The following RBFOX2 variants were observed in gnomAD, a reference collection of about 807,000 sequenced individuals.
RBFOX2 encodes the protein RNA binding fox-1 homolog 2.
Under a neutral mutation model 49.1 loss-of-function variants are expected in RBFOX2, and 10 were observed. The ratio of observed to expected loss-of-function variants is 0.20; its 90% confidence interval spans 0.13 to 0.35. The LOEUF (loss-of-function observed/expected upper bound fraction) is 0.35, where lower values mean the gene tolerates loss of function less well. RBFOX2 is among the 10% of genes least tolerant of loss of function. RBFOX2 has a pLI of 1.00. For synonymous variants in RBFOX2, 183 were observed against 187.4 expected, an observed-to-expected ratio of 0.98 and a Z score of 0.19; for missense variants, 323 against 486.9, an observed-to-expected ratio of 0.66 and a Z score of 3.17.
chr22:35,891,255 T>C (rs996840595), intron 1 of RBFOX2, among the ~76,000 whole-genome samples: 4 of 152,038 alleles, frequency 2.6e-5, no homozygotes, highest in African/African-American at 9.7e-5. Flanking sequence ...TGCCTCAGCC[T>C]CCTGAGTAGC....
chr22:35,867,521 A>T (rs2043832290), intron 1 of RBFOX2, among the ~76,000 whole-genome samples: 1 of 152,200 alleles, frequency 6.6e-6, no homozygotes, highest in South Asian at 2.1e-4. Flanking sequence ...CTCACACCAT[A>T]GGACAAAATC....
chr22:35,908,998 A>C (rs2049452291), intron 1 of RBFOX2, among the ~76,000 whole-genome samples: 1 of 152,006 alleles, frequency 6.6e-6, no homozygotes, highest in African/African-American at 2.4e-5. Context: ...GCCCGCCACC[A>C]CGCCTGGCTA....
chr22:35,779,506 C>A (rs140786019), intron 3 of RBFOX2, among the ~76,000 whole-genome samples: 73 of 152,260 alleles, frequency 4.8e-4, no homozygotes, highest in Admixed American at 1.4e-3. Flanking sequence ...AGAAGAATCA[C>A]GGAAAAAGGA....
chr22:35,996,406 G>A (rs2058193149), intron 1 of RBFOX2: 1 of 152,200 alleles, frequency 6.6e-6, no homozygotes, highest in Non-Finnish European at 1.5e-5. Context: ...TTGAAGCCAG[G>A]AGTTCAAGAC....
chr22:35,744,168 T>TG (rs749176289), exon 12 of RBFOX2: 5 of 1,594,250 alleles, frequency 3.1e-6, no homozygotes, highest in East Asian at 2.3e-5. Flanking sequence ...CCTCATGAAC[T>TG]GGGGGGCTGT....
intron 1 of RBFOX2, among the ~76,000 whole-genome samples, chr22:35,947,672 TAAAAAAAAA>T (rs559788717): frequency 2.3e-4 from 8 of 34,128 alleles, no homozygotes; most frequent in East Asian, 2.5e-3. Flanking sequence ...GTTTAAAAAG[TAAAAAAAAA>T]AAAAAAAAAA....
chr22:35,947,688 A>T (rs2054463850), intron 1 of RBFOX2, among the ~76,000 whole-genome samples: 1 of 149,588 alleles, frequency 6.7e-6, no homozygotes, highest in Admixed American at 6.6e-5. Context: ...AAAAAAAAAA[A>T]AAAAAAAAAA....
At chr22:35,871,467 A>C (rs2044347280) in intron 1 of RBFOX2, among the ~76,000 whole-genome samples, 3 of 152,340 alleles carry the variant, frequency 2.0e-5, no homozygotes, top group South Asian at 4.1e-4. Context: ...TATGAAACTA[A>C]AATAAAGGCT....
At chr22:35,779,800 T>A (rs1204118762) in intron 3 of RBFOX2, among the ~76,000 whole-genome samples, 1 of 152,210 alleles carries the variant, frequency 6.6e-6, no homozygotes, top group Admixed American at 6.5e-5. Context: ...ATAAAGCAAC[T>A]AGGTATCTCT....
At chr22:35,828,523 C>A (rs752785619) in intron 1 of RBFOX2, among the ~76,000 whole-genome samples, 9 of 152,188 alleles carry the variant, frequency 5.9e-5, no homozygotes, top group Non-Finnish European at 1.2e-4. Flanking sequence ...ATGACTGCCA[C>A]ATCTATGTGT....
chr22:35,835,638 A>T (rs1381928457), intron 1 of RBFOX2, among the ~76,000 whole-genome samples: 2 of 152,212 alleles, frequency 1.3e-5, no homozygotes, highest in African/African-American at 4.8e-5. Flanking sequence ...ACCTAGACTC[A>T]ATTGCAAAGC....
chr22:35,879,003 T>C lies in RBFOX2; in HGVS notation c.-34+59844A>G, dbSNP rs2045526837. 2.6e-5 allele frequency among the ~76,000 whole-genome samples: 4 copies of C among 152,264 alleles called. No individual in the cohort carries two copies. In the South Asian group the frequency reaches 8.3e-4, roughly 32 times the overall value. ...CCTTGGCCTCCCAAAGTGCTGGGATTACAGGCATGAGCCACTGTGCCTGGC... is the reference window on the plus strand; with the variant it reads ...CCTTGGCCTCCCAAAGTGCTGGGATCACAGGCATGAGCCACTGTGCCTGGC... On this transcript the variant is annotated intron_variant, in intron 1 of 13. Coordinates refer to the RBFOX2 transcript ENST00000359369.
At chr22:35,751,549 C>T (rs1934924029) in intron 9 of RBFOX2, among the ~76,000 whole-genome samples, 1 of 152,056 alleles carries the variant, frequency 6.6e-6, no homozygotes, top group Non-Finnish European at 1.5e-5. Flanking sequence ...GAATCTAACT[C>T]CCTCTTTTTC....
chr22:35,769,640 C>A (rs569352399), intron 4 of RBFOX2, among the ~76,000 whole-genome samples: 1 of 152,150 alleles, frequency 6.6e-6, no homozygotes, highest in Non-Finnish European at 1.5e-5. Flanking sequence ...GTCCTGCTAG[C>A]GTTTTTTGAA....
intron 2 of RBFOX2, among the ~76,000 whole-genome samples, chr22:35,798,079 G>A (rs1192831192): frequency 3.9e-5 from 6 of 152,064 alleles, no homozygotes; most frequent in Non-Finnish European, 5.9e-5. Flanking sequence ...GAGTTTAAGC[G>A]ATTCTCCTGC....
intron 1 of RBFOX2, among the ~76,000 whole-genome samples, chr22:35,986,075 G>C (rs988192631): frequency 2.6e-5 from 4 of 152,142 alleles, no homozygotes; most frequent in Non-Finnish European, 5.9e-5. Flanking sequence ...AAAGCAGCCA[G>C]TCCGCTATAT....
At chr22:36,026,209 G>GGC (rs1427567273) in intron 1 of RBFOX2, among the ~76,000 whole-genome samples, 1 of 151,652 alleles carries the variant, frequency 6.6e-6, no homozygotes, top group East Asian at 1.9e-4. Context: ...AGGTGGAGGT[G>GGC]GAGGTTGCAG....
At chr22:35,969,813 A>T (rs961227497) in intron 1 of RBFOX2, among the ~76,000 whole-genome samples, 12 of 152,238 alleles carry the variant, frequency 7.9e-5, no homozygotes, top group African/African-American at 2.9e-4. Context: ...GAATTTATAT[A>T]TAACTCAGAA....
At chr22:35,841,071 A>T (rs1351334582), upstream of RBFOX2, among the ~76,000 whole-genome samples, 2 of 152,234 alleles carry the variant, frequency 1.3e-5, no homozygotes, top group African/African-American at 4.8e-5. Flanking sequence ...ACTATAAAAA[A>T]TACCTGGAGA....
Sources: gnomAD v4.1 joint callset for allele counts (sites outside exome capture counted in the v4.1 genomes callset) on GRCh38, gnomAD v4.1.1 for gene constraint, MANE v1.5 for transcripts, NCBI Gene and HGNC (gene_info 2026-07-23, HGNC 2026-07-21) for gene names.